DCC: variants seen among roughly 807,000 people sequenced by gnomAD.
The protein encoded by DCC is DCC netrin 1 receptor.
DCC carries 58 observed loss-of-function variants against 172.5 expected under a neutral mutation model. That is an observed-to-expected ratio of 0.34 (90% CI 0.27 to 0.42). DCC has a LOEUF of 0.42. DCC is among the 10% of genes least tolerant of loss of function. The probability of loss-of-function intolerance (pLI) is 1.00; values close to 1 mark genes in which losing one functional copy is unlikely to be tolerated. For synonymous variants in DCC, 709 were observed against 644.5 expected (o/e 1.10, Z -1.52); for missense variants, 1,740 against 1,791.0 (o/e 0.97, Z 0.51).
In DCC at chr18:52,719,984, A is replaced by G. The variant is rs147126866; in HGVS notation, c.92-32070A>G. On this transcript the variant is annotated intron_variant, in intron 1 of 28. Coordinates refer to ENST00000442544, the MANE Select transcript of DCC (RefSeq NM_005215.4). ...AGAAGACCCAGAAAGTTAGAAGAAG[A>G]GGAATGGCAAGCTCTGAATTCTATT... 1.8e-3 allele frequency among the ~76,000 whole-genome samples: 280 copies of G among 152,234 alleles called. 1 individual carries two copies. Among genetic ancestry groups the G allele is most frequent in the African/African-American group, 6.4e-3 (266 of 41,548 alleles).
intron 7 of DCC, among the ~76,000 whole-genome samples, chr18:53,114,015 G>A (rs56719714): frequency 0.04 from 6,066 of 151,386 alleles, 382 homozygotes; most frequent in African/African-American, 0.14. Flanking sequence ...TTACAGTTCT[G>A]AAGATTTAAA....
intron 1 of DCC, among the ~76,000 whole-genome samples, chr18:52,682,553 G>A (rs1160135630): frequency 6.6e-6 from 1 of 152,034 alleles, no homozygotes; most frequent in African/African-American, 2.4e-5. Flanking sequence ...ATCATGCAGA[G>A]CATTACAGGG....
intron 7 of DCC, among the ~76,000 whole-genome samples, chr18:53,087,365 C>T (rs1049489724): frequency 1.8e-4 from 28 of 151,690 alleles, no homozygotes; most frequent in Non-Finnish European, 2.8e-4. Context: ...ATGGTGAGCA[C>T]CTTTTCATGT....
At position 53,436,163 on chromosome 18, in the gene DCC, C is replaced by T. The variant is rs1025007885; in HGVS notation, c.3229+954C>T. Among the ~76,000 whole-genome samples the T allele has an allele frequency of 2.6e-5, 4 of 152,118 alleles. No individual in the cohort carries two copies. The South Asian group carries it at 6.2e-4, about 24-fold the overall frequency. Reference sequence around the variant, plus strand: ...ATTTGATGTTTACTACGTATGTATACGTATCCCTAAACATTATATTGTTTT... The same window carrying T: ...ATTTGATGTTTACTACGTATGTATATGTATCCCTAAACATTATATTGTTTT... On this transcript the variant is annotated intron_variant, in intron 22 of 28. Coordinates refer to ENST00000442544, the MANE Select transcript of DCC (RefSeq NM_005215.4).
chr18:53,222,155 G>T (rs1337346061), intron 12 of DCC, among the ~76,000 whole-genome samples: 1 of 152,002 alleles, frequency 6.6e-6, no homozygotes, highest in Non-Finnish European at 1.5e-5. Flanking sequence ...CCATGAATTA[G>T]AGGAATAATA....
At chr18:53,450,771 C>T (rs2045401450) in intron 23 of DCC, 109 bp downstream of exon 23, 1 of 947,266 alleles carries the variant, frequency 1.1e-6, no homozygotes, top group South Asian at 1.4e-5. Flanking sequence ...GTCCTTACTT[C>T]CTAACCCTGG....
intron 25 of DCC, among the ~76,000 whole-genome samples, chr18:53,481,989 GCT>G (rs960647736): frequency 1.2e-4 from 18 of 152,068 alleles, no homozygotes; most frequent in African/African-American, 4.1e-4. Flanking sequence ...TGATGATATC[GCT>G]CTCTGAGCTG....
chr18:52,510,098 C>T (rs2031378847), intron 1 of DCC, among the ~76,000 whole-genome samples: 1 of 147,044 alleles, frequency 6.8e-6, no homozygotes, highest in African/African-American at 2.6e-5. Flanking sequence ...GAGCAAAATT[C>T]TGTCCCCCCT....
chr18:52,519,475 A>G (rs1322715860), intron 1 of DCC, among the ~76,000 whole-genome samples: 1 of 152,192 alleles, frequency 6.6e-6, no homozygotes, highest in Non-Finnish European at 1.5e-5. Flanking sequence ...TTTTGAAAAG[A>G]CATGTGCAAT....
At chr18:53,155,114 T>A (rs368058826) in intron 7 of DCC, among the ~76,000 whole-genome samples, 5 of 151,992 alleles carry the variant, frequency 3.3e-5, no homozygotes, top group African/African-American at 1.2e-4. Context: ...TTTTTTGCCA[T>A]TCTTTAAAAC....
chr18:52,485,087 T>A (rs2030150347), intron 1 of DCC, among the ~76,000 whole-genome samples: 1 of 152,166 alleles, frequency 6.6e-6, no homozygotes, highest in Non-Finnish European at 1.5e-5. Context: ...TGATGACTGC[T>A]GATCTATAGC....
intron 27 of DCC, among the ~76,000 whole-genome samples, chr18:53,503,545 T>C (rs183143721): frequency 3.3e-5 from 5 of 152,340 alleles, no homozygotes; most frequent in Admixed American, 3.3e-4. Flanking sequence ...TCAGGTTAAA[T>C]AGAAAATGTT....
chr18:52,982,440 A>G (rs989379406), intron 5 of DCC, among the ~76,000 whole-genome samples: 1 of 152,152 alleles, frequency 6.6e-6, no homozygotes, highest in East Asian at 1.9e-4. Context: ...TAAACACTGT[A>G]TATCTTCTCT....
intron 1 of DCC, among the ~76,000 whole-genome samples, chr18:52,360,375 C>T (rs1984566703): frequency 6.6e-6 from 1 of 152,212 alleles, no homozygotes; most frequent in African/African-American, 2.4e-5. Flanking sequence ...TAATGCCTTA[C>T]CTTAACAAGC....
At chr18:52,399,137 C>A (rs16954849) in intron 1 of DCC, among the ~76,000 whole-genome samples, 2,168 of 151,972 alleles carry the variant, frequency 0.014, 40 homozygotes, top group African/African-American at 0.049. Flanking sequence ...CAAAAACAAG[C>A]ATCTTTCATA....
intron 25 of DCC, among the ~76,000 whole-genome samples, chr18:53,468,778 TACA>T (rs557184772): frequency 2.8e-4 from 42 of 152,310 alleles, no homozygotes; most frequent in African/African-American, 9.6e-4. Flanking sequence ...ACCCACTTAC[TACA>T]CACCCCTTGT....
intron 5 of DCC, among the ~76,000 whole-genome samples, chr18:53,057,108 GTCTTC>G (rs2042418504): frequency 7.5e-6 from 1 of 134,052 alleles, no homozygotes; most frequent in South Asian, 2.4e-4. Context: ...AAAAAAGCAA[GTCTTC>G]ACCTATATGG....
intron 20 of DCC, among the ~76,000 whole-genome samples, chr18:53,413,236 G>C (rs1910097159): frequency 6.6e-6 from 1 of 152,204 alleles, no homozygotes; most frequent in African/African-American, 2.4e-5. Flanking sequence ...AAGCCCAATA[G>C]AGTACAGTAA....
intron 5 of DCC, among the ~76,000 whole-genome samples, chr18:53,009,823 A>C (rs1378203435): frequency 3.9e-5 from 6 of 151,932 alleles, no homozygotes; most frequent in Non-Finnish European, 5.9e-5. Flanking sequence ...CTTCCCCTGC[A>C]GGCTAACTCA....
Sources: allele counts gnomAD v4.1 joint callset (sites outside exome capture counted in the v4.1 genomes callset), GRCh38; gene constraint gnomAD v4.1.1; transcripts MANE v1.5; gene names NCBI Gene and HGNC (gene_info 2026-07-23, HGNC 2026-07-21).